Variants in TXNRD2 observed in about 807,000 individuals in gnomAD.
TXNRD2 encodes thioredoxin reductase 2, mitochondrial.
A neutral mutation model predicts 70.8 loss-of-function variants in TXNRD2; 67 were observed. The observed-to-expected ratio is 0.95, with a 90% CI of 0.78 to 1.16. The LOEUF (loss-of-function observed/expected upper bound fraction) is 1.16, where lower values mean the gene tolerates loss of function less well. TXNRD2 is among the 50% of genes most tolerant of loss of function. TXNRD2 has a pLI of 0.00. For missense variants in TXNRD2, 644 were observed against 719.9 expected (o/e 0.89, Z 1.21); for synonymous variants, 301 against 295.8 (o/e 1.02, Z -0.18).
At chr22:19,907,272 ACCG>A (rs2146004718) in intron 8 of TXNRD2, among the ~76,000 whole-genome samples, 1 of 48,800 alleles carries the variant, frequency 2.0e-5, no homozygotes, top group African/African-American at 8.7e-5. Context: ...GGTAGCAGTG[ACCG>A]CTCTCAGGAG....
At chr22:19,906,250 C>G (rs1478149585) in intron 8 of TXNRD2, among the ~76,000 whole-genome samples, 1 of 152,144 alleles carries the variant, frequency 6.6e-6, no homozygotes, top group Non-Finnish European at 1.5e-5. Context: ...TGACACGAGG[C>G]TTTTCAGGTA....
chr22:19,930,984 C>T, intron 2 of TXNRD2, 46 bp downstream of exon 2: 1 of 1,567,094 alleles, frequency 6.4e-7, no homozygotes. Flanking sequence ...TCTCTAGGGG[C>T]CCTAAAAGCT....
In TXNRD2 at chr22:19,926,344, G is replaced by T. The variant is rs557743183; in HGVS notation, c.172+4686C>A. Among the ~76,000 whole-genome samples, 4 of 149,074 alleles carry T rather than the reference G, an allele frequency of 2.7e-5. No individual in the cohort carries two copies. In the East Asian group the frequency reaches 6.0e-4, roughly 22 times the overall value. ...ATCTCTACTAAAAGTACAAAAATTAGTCGGGTATAGTGGTGTGTGCCTGTG... is the reference window on the plus strand; with the variant it reads ...ATCTCTACTAAAAGTACAAAAATTATTCGGGTATAGTGGTGTGTGCCTGTG... On this transcript the variant is annotated intron_variant, in intron 2 of 17. Transcript: ENST00000400521.
At chr22:19,885,603 G>A (rs1317777371) in intron 11 of TXNRD2, among the ~76,000 whole-genome samples, 1 of 152,222 alleles carries the variant, frequency 6.6e-6, no homozygotes, top group Admixed American at 6.5e-5. Context: ...GCTGGGGCAC[G>A]AAGGAGGGGC....
chr22:19,910,543 T>C (rs1704757136), intron 8 of TXNRD2, among the ~76,000 whole-genome samples: 2 of 152,310 alleles, frequency 1.3e-5, no homozygotes, highest in Admixed American at 6.5e-5. Flanking sequence ...AGTCCTGTTA[T>C]TGTTATTACC....
At chr22:19,884,550 A>C (rs1938936156) in intron 11 of TXNRD2, 1 of 152,240 alleles carries the variant, frequency 6.6e-6, no homozygotes, top group Admixed American at 6.6e-5. Context: ...GCCTCCCTGC[A>C]TCTGTCTGCA....
chr22:19,880,547 C>T, intron 13 of TXNRD2, 75 bp downstream of exon 13: 1 of 1,362,682 alleles, frequency 7.3e-7, no homozygotes, highest in South Asian at 1.2e-5. Flanking sequence ...CGCACAAAGG[C>T]CCCTCACCCC....
intron 1 of TXNRD2, chr22:19,933,630 G>T: frequency 1.8e-6 from 1 of 563,244 alleles, no homozygotes; most frequent in Non-Finnish European, 2.7e-6. Flanking sequence ...GATAAACACT[G>T]GCATAGGGCA....
chr22:19,888,688 C>A (rs531372770), intron 11 of TXNRD2, among the ~76,000 whole-genome samples: 1 of 151,986 alleles, frequency 6.6e-6, no homozygotes, highest in East Asian at 1.9e-4. Context: ...GAGGCGGGCA[C>A]GGCTTCACAC....
In TXNRD2 at chr22:19,880,708, C is replaced by G. The variant is rs1022855089; in HGVS notation, c.1096G>C (p.Glu366Gln). 6.2e-7 allele frequency: 1 copy of G among 1,610,898 alleles called. No homozygotes were observed. The highest frequency in any genetic ancestry group is 8.5e-7 in the Non-Finnish European group (1 of 1,179,558). The stretch of plus-strand genomic sequence containing the variant: ...GCCATGATCGCTATGGGTGTCAGCT[C>G]AGGCCGCCCCTTGGGGAAGGCACAG... ...AIGDVVEGRP[E>Q]LTPIAIMAGR... The change falls in exon 13 of 18, where the codon GAG becomes CAG. Residue 366 changes from glutamate to glutamine, a missense_variant. Around this residue, in one of 3 missense-constraint regions of TXNRD2, gnomAD observed 566 missense variants for 645.0 expected, o/e 0.88. Transcript: ENST00000400521.
chr22:19,921,021 G>A (rs1211169222), intron 2 of TXNRD2, among the ~76,000 whole-genome samples: 6 of 145,182 alleles, frequency 4.1e-5, no homozygotes, highest in Admixed American at 2.7e-4. Context: ...GCGGGAGAAC[G>A]GTGTGAACCC....
intron 2 of TXNRD2, among the ~76,000 whole-genome samples, chr22:19,926,456 C>T (rs1258185967): frequency 6.6e-6 from 1 of 151,932 alleles, no homozygotes; most frequent in Non-Finnish European, 1.5e-5. Context: ...CACCACTGCA[C>T]TCCAGTCAGG....
chr22:19,925,665 C>T (rs1300861773), intron 2 of TXNRD2, among the ~76,000 whole-genome samples: 1 of 151,514 alleles, frequency 6.6e-6, no homozygotes, highest in African/African-American at 2.4e-5. Flanking sequence ...AAGGTACATG[C>T]CATAAACCCT....
chr22:19,929,583 A>T (rs1444176410), intron 2 of TXNRD2, among the ~76,000 whole-genome samples: 1 of 152,184 alleles, frequency 6.6e-6, no homozygotes, highest in Non-Finnish European at 1.5e-5. Context: ...ACATGCACAG[A>T]GGGACGACAA....
chr22:19,896,010 A>T (rs1373192482), intron 10 of TXNRD2, among the ~76,000 whole-genome samples: 1 of 151,864 alleles, frequency 6.6e-6, no homozygotes, highest in African/African-American at 2.4e-5. Context: ...AAGAAAAAAT[A>T]AGCAAGGCCG....
chr22:19,899,579 G>A (rs1939679819), intron 8 of TXNRD2, among the ~76,000 whole-genome samples: 1 of 152,252 alleles, frequency 6.6e-6, no homozygotes, highest in African/African-American at 2.4e-5. Context: ...CCAGAGAGGG[G>A]ACTGAAGGAC....
chr22:19,900,537 T>C (rs1158135259), intron 8 of TXNRD2, among the ~76,000 whole-genome samples: 1 of 152,092 alleles, frequency 6.6e-6, no homozygotes. Context: ...GATCACGAGG[T>C]CAGGAGATCG....
intron 8 of TXNRD2, among the ~76,000 whole-genome samples, chr22:19,910,207 C>T (rs2094814520): frequency 6.6e-6 from 1 of 152,248 alleles, no homozygotes; most frequent in African/African-American, 2.4e-5. Flanking sequence ...ATGGCCCACT[C>T]TGTGGGCATC....
chr22:19,908,495 A>C (rs1940173640), intron 8 of TXNRD2, among the ~76,000 whole-genome samples: 1 of 152,114 alleles, frequency 6.6e-6, no homozygotes, highest in Non-Finnish European at 1.5e-5. Flanking sequence ...AACAGAAAAC[A>C]ACATGCACTG....
Sources: gnomAD v4.1 joint callset for allele counts (sites outside exome capture counted in the v4.1 genomes callset) on GRCh38, gnomAD v4.1.1 for gene constraint, gnomAD v4.1.1 regional missense constraint, MANE v1.5 for transcripts, NCBI Gene and HGNC (gene_info 2026-07-23, HGNC 2026-07-21) for gene names.